The following CNOT7 variants were observed in gnomAD, a reference collection of about 807,000 sequenced individuals.
CNOT7 encodes BTG1-binding factor 1.
A neutral mutation model predicts 37.1 loss-of-function variants in CNOT7; 4 were observed. That is an observed-to-expected ratio of 0.11 (90% CI 0.05 to 0.25). The LOEUF (loss-of-function observed/expected upper bound fraction) is 0.25. Among genes scored for constraint, CNOT7 ranks in the 10% least tolerant of loss-of-function variants. The probability of loss-of-function intolerance (pLI) is 1.00; values close to 1 mark genes in which losing one functional copy is unlikely to be tolerated. For missense variants in CNOT7, 170 were observed against 336.2 expected (o/e 0.51, Z 3.87); for synonymous variants, 128 against 115.6 (o/e 1.11, Z -0.69).
chr8:17,243,508 C>T (rs1585846450), intron 2 of CNOT7: 1 of 495,736 alleles, frequency 2.0e-6, no homozygotes, highest in Middle Eastern at 3.0e-4. Flanking sequence ...AAATGATGCT[C>T]ACAGTATTCC....
intron 6 of CNOT7, chr8:17,231,775 A>T (rs1297383886): frequency 1.0e-6 from 1 of 985,290 alleles, no homozygotes; most frequent in East Asian, 1.1e-4. Context: ...TCATTCTTCC[A>T]TCCCTAACAC....
chr8:17,244,221 G>C (rs1033517109), intron 2 of CNOT7: 2 of 153,100 alleles, frequency 1.3e-5, no homozygotes, highest in African/African-American at 4.8e-5. Context: ...TGGTAAAGAA[G>C]AAAAATCATT....
In CNOT7 at chr8:17,246,820, A is replaced by AGCTGCGCCGCACCGT. The variant is rs1811231610; in HGVS notation, c.-256_-242dup. Reference sequence around the variant, plus strand: ...CCCAGCGAAGGGAAAGGCGAGCAGGAGCTGCGCCGCACCGTGCTGCGCCGT... The same window carrying AGCTGCGCCGCACCGT: ...CCCAGCGAAGGGAAAGGCGAGCAGGAGCTGCGCCGCACCGTGCTGCGCCGCACCGTGCTGCGCCGT... On this transcript the variant is annotated 5_prime_UTR_variant, in exon 1 of 7. Coordinates refer to ENST00000361272, the MANE Select transcript of CNOT7 (RefSeq NM_013354.7). 10 of 221,248 alleles carry AGCTGCGCCGCACCGT rather than the reference A, an allele frequency of 4.5e-5. No individual in the cohort carries two copies. Among genetic ancestry groups the AGCTGCGCCGCACCGT allele is most frequent in the Middle Eastern group, 1.8e-3 (1 of 562 alleles). 13.7% of individuals were successfully genotyped at this position (221,248 alleles called of 1,614,324 possible).
chr8:17,230,483 G>A lies in CNOT7; in HGVS notation c.*237C>T, dbSNP rs186533824. 202 of 277,048 alleles carry A rather than the reference G, an allele frequency of 7.3e-4. No homozygotes were observed. Among genetic ancestry groups the A allele is most frequent in the Admixed American group, 1.3e-3 (25 of 19,178 alleles). The allele number at this position is 277,048 out of a possible 1,614,324, so 17.2% of individuals were successfully genotyped here. A position where few individuals can be genotyped will look rare whatever the true frequency, so the allele number is the denominator to read the frequency against. The stretch of plus-strand genomic sequence containing the variant: ...GCTTTCCCCACTCTCTGTCACACAC[G>A]CTTGCTAACAAGTATATTAAATTAA... On this transcript the variant is annotated 3_prime_UTR_variant, in exon 7 of 7. Coordinates refer to ENST00000361272, the MANE Select transcript of CNOT7 (RefSeq NM_013354.7).
At position 17,226,029 on chromosome 8, in the gene CNOT7, CTTTTTTTTTTTTTT is replaced by C. The variant is rs61036000; in HGVS notation, c.*4677_*4690del. The C allele has an allele frequency of 6.8e-5, 4 of 58,704 alleles. No individual in the cohort carries two copies. Among genetic ancestry groups the C allele is most frequent in the African/African-American group, 6.6e-5 (1 of 15,068 alleles). The allele number at this position is 58,704 out of a possible 1,614,324, so 3.6% of individuals were successfully genotyped here. ...TCTTCTAGTAGAGAGGTGGACAAGCCTTTTTTTTTTTTTTTTTTTTTTTTTTGAAAAGGGCAGGT... is the reference window on the plus strand; with the variant it reads ...TCTTCTAGTAGAGAGGTGGACAAGCCTTTTTTTTTTTTGAAAAGGGCAGGT... On this transcript the variant is annotated 3_prime_UTR_variant, in exon 7 of 7. Transcript: ENST00000361272.
chr8:17,245,672 A>T (rs1262705589), intron 1 of CNOT7, among the ~76,000 whole-genome samples: 1 of 152,176 alleles, frequency 6.6e-6, no homozygotes, highest in Non-Finnish European at 1.5e-5. Context: ...AACAACCAAA[A>T]TCCGACTTGA....
Position 17,234,705 on chromosome 8 carries a change from C to T in CNOT7, c.618+11G>A, listed in dbSNP as rs200675915. On this transcript the variant is annotated intron_variant, in intron 5 of 6. Coordinates refer to ENST00000361272, the MANE Select transcript of CNOT7 (RefSeq NM_013354.7). ...GTGTGCTGCTGTAGATAATGCCATCCGAAGCCTTACTTTGAGATTTTTGCA... is the reference window on the plus strand; with the variant it reads ...GTGTGCTGCTGTAGATAATGCCATCTGAAGCCTTACTTTGAGATTTTTGCA... 3.1e-3 allele frequency: 4,968 copies of T among 1,613,624 alleles called. 21 individuals are homozygous for T. Among genetic ancestry groups the T allele is most frequent in the Non-Finnish European group, 3.5e-3 (4,176 of 1,179,660 alleles).
intron 6 of CNOT7, chr8:17,231,914 A>G (rs1399739766): frequency 2.0e-6 from 2 of 986,724 alleles, no homozygotes; most frequent in Non-Finnish European, 2.4e-6. Context: ...TTAAGACTCA[A>G]TGCAGTAAAA....
chr8:17,232,294 G>A (rs964800560), intron 6 of CNOT7, 133 bp downstream of exon 6: 21 of 1,531,946 alleles, frequency 1.4e-5, no homozygotes, highest in Non-Finnish European at 1.8e-5. Flanking sequence ...AAGTGTGGTG[G>A]ATGTGACTCA....
rs550284219 is a variant in CNOT7, at chr8:17,230,617, G to C, written c.*103C>G. Reference sequence around the variant, plus strand: ...AGACAATAAAATGGGCCATGAAAGGGGGGGGAAAGGTACTGTCTATTGTTC... The same window carrying C: ...AGACAATAAAATGGGCCATGAAAGGCGGGGGAAAGGTACTGTCTATTGTTC... On this transcript the variant is annotated 3_prime_UTR_variant, in exon 7 of 7. Coordinates refer to ENST00000361272, the MANE Select transcript of CNOT7 (RefSeq NM_013354.7). The C allele has an allele frequency of 2.1e-6, 2 of 944,780 alleles. No homozygotes were observed. The highest frequency in any genetic ancestry group is 3.0e-6 in the Non-Finnish European group (2 of 667,938). The allele number at this position is 944,780 out of a possible 1,614,324, so 58.5% of individuals were successfully genotyped here. A position where few individuals can be genotyped will look rare whatever the true frequency, so the allele number is the denominator to read the frequency against.
At chr8:17,231,335 A>C (rs1358468986) in intron 6 of CNOT7, among the ~76,000 whole-genome samples, 4 of 152,112 alleles carry the variant, frequency 2.6e-5, no homozygotes, top group Non-Finnish European at 5.9e-5. Context: ...AATAAAGATA[A>C]ATTAGTGCCA....
At chr8:17,237,796 C>T (rs917563030) in intron 3 of CNOT7, among the ~76,000 whole-genome samples, 36 of 152,206 alleles carry the variant, frequency 2.4e-4, no homozygotes, top group African/African-American at 8.4e-4. Context: ...GGGCATATGC[C>T]CATCTCCCGT....
Position 17,245,127 on chromosome 8 carries a change from C to G in CNOT7, c.26G>C (p.Ser9Thr), listed in dbSNP as rs1563214981. The G allele has an allele frequency of 6.2e-7, 1 of 1,613,562 alleles. No individual in the cohort carries two copies. The highest frequency in any genetic ancestry group is 8.5e-7 in the Non-Finnish European group (1 of 1,179,796). Reference sequence around the variant, plus strand: ...AGCCCAAACTTCACAAATTCTTTGGCTATGATCTACAGTTGCCGCTGGCAT... The same window carrying G: ...AGCCCAAACTTCACAAATTCTTTGGGTATGATCTACAGTTGCCGCTGGCAT... MPAATVDH[S>T]QRICEVWACN... is the part of the protein sequence containing the mutation. Residue 9 changes from serine to threonine, a missense_variant, in exon 2 of 7, where the codon AGC (serine) becomes ACC (threonine). Ser to Thr is a moderately conservative substitution (Grantham distance 58, BLOSUM62 1). Transcript: ENST00000361272.
chr8:17,234,965 T>C (rs1809146798), intron 4 of CNOT7, 105 bp from the exon 5 acceptor site: 2 of 900,786 alleles, frequency 2.2e-6, no homozygotes, highest in Admixed American at 2.8e-5. Context: ...ACTAGAGCCC[T>C]CCCAAAAACA....
chr8:17,242,422 T>C (rs1251642463), intron 3 of CNOT7: 1 of 152,218 alleles, frequency 6.6e-6, no homozygotes, highest in Non-Finnish European at 1.5e-5. Context: ...GACCCAGGGC[T>C]TGAGTTAGAA....
rs1394313007 is a variant in CNOT7 at position 17,224,991 on chromosome 8, G to A, written c.*5729C>T. The A allele has an allele frequency of 1.3e-5, 2 of 151,682 alleles. No individual in the cohort carries two copies. The highest frequency in any genetic ancestry group is 3.0e-5 in the Non-Finnish European group (2 of 67,670). 9.4% of individuals were successfully genotyped at this position (151,682 alleles called of 1,614,324 possible). ...TAGCTCAAGAACAAGTTTTTATTAT[G>A]CATGGGTTTCGCAGTGATACAAGAC... On this transcript the variant is annotated 3_prime_UTR_variant, in exon 7 of 7. Transcript: ENST00000361272.
chr8:17,226,619 A>C lies in CNOT7; in HGVS notation c.*4101T>G, dbSNP rs1287286273. The C allele has an allele frequency of 6.6e-6, 1 of 151,772 alleles. No homozygotes were observed. The highest frequency in any genetic ancestry group is 2.1e-4 in the South Asian group (1 of 4,832). The allele number at this position is 151,772 out of a possible 1,614,324, so 9.4% of individuals were successfully genotyped here. Reference sequence around the variant, plus strand: ...AATTTAAAAATTTTCTTTGCACTGCATCAAGGTCCAAAAAACTGCTACAGG... The same window carrying C: ...AATTTAAAAATTTTCTTTGCACTGCCTCAAGGTCCAAAAAACTGCTACAGG... On this transcript the variant is annotated 3_prime_UTR_variant, in exon 7 of 7. Coordinates refer to ENST00000361272, the MANE Select transcript of CNOT7 (RefSeq NM_013354.7).
intron 3 of CNOT7, 25 bp from the exon 4 acceptor site, chr8:17,237,398 C>T: frequency 1.2e-6 from 2 of 1,609,528 alleles, no homozygotes; most frequent in Non-Finnish European, 1.7e-6. Context: ...AGAAAGACAA[C>T]ATTCAAACAT....
At chr8:17,245,344 G>T in intron 1 of CNOT7, 97 bp from the exon 2 acceptor site, 4 of 508,130 alleles carry the variant, frequency 7.9e-6, no homozygotes, top group South Asian at 5.1e-5. Context: ...TTTATTCAAA[G>T]TTCTTGACTC....
Sources: allele counts gnomAD v4.1 joint callset (sites outside exome capture counted in the v4.1 genomes callset), GRCh38; gene constraint gnomAD v4.1.1; transcripts MANE v1.5; gene names NCBI Gene and HGNC (gene_info 2026-07-23, HGNC 2026-07-21).